KCNQ5: variants seen among roughly 807,000 people sequenced by gnomAD.
KCNQ5 encodes potassium voltage-gated channel subfamily KQT member 5.
In KCNQ5, 30 loss-of-function variants were observed where a neutral mutation model predicts 98.2. The observed-to-expected ratio is 0.31, with a 90% CI of 0.23 to 0.41. The LOEUF (loss-of-function observed/expected upper bound fraction) is 0.41. KCNQ5 is among the 10% of genes least tolerant of loss of function. The pLI, the probability that KCNQ5 is intolerant of heterozygous loss-of-function variation, is 1.00. For missense variants in KCNQ5, 835 were observed against 1,182.5 expected (o/e 0.71, Z 4.31); for synonymous variants, 458 against 449.4 (o/e 1.02, Z -0.24).
At chr6:72,894,141 G>A (rs575061888) in intron 1 of KCNQ5, among the ~76,000 whole-genome samples, 1 of 152,006 alleles carries the variant, frequency 6.6e-6, no homozygotes, top group African/African-American at 2.4e-5. Context: ...GCTTTTCTGG[G>A]CCCTTTTAAC....
intron 10 of KCNQ5, among the ~76,000 whole-genome samples, chr6:73,140,356 A>G (rs1483769231): frequency 6.6e-6 from 1 of 152,112 alleles, no homozygotes; most frequent in African/African-American, 2.4e-5. Context: ...TGCACATAGC[A>G]TTTTTCCTGA....
At chr6:72,655,016 AGGTC>A (rs1766074874) in intron 1 of KCNQ5, among the ~76,000 whole-genome samples, 1 of 139,508 alleles carries the variant, frequency 7.2e-6, no homozygotes, top group African/African-American at 2.7e-5. Context: ...TTAATAGCCA[AGGTC>A]TGTCTGTCTT....
At chr6:72,810,991 A>G (rs958897527) in intron 1 of KCNQ5, among the ~76,000 whole-genome samples, 7 of 152,166 alleles carry the variant, frequency 4.6e-5, no homozygotes, top group African/African-American at 7.2e-5. Flanking sequence ...GTATAAACTG[A>G]TGAGGTTGAT....
At chr6:72,888,187 T>C (rs543597897) in intron 1 of KCNQ5, among the ~76,000 whole-genome samples, 49 of 152,236 alleles carry the variant, frequency 3.2e-4, no homozygotes, top group Non-Finnish European at 6.2e-4. Flanking sequence ...TCCCGTCTGC[T>C]AAGAAGTAGA....
intron 1 of KCNQ5, among the ~76,000 whole-genome samples, chr6:72,754,398 T>A (rs1771849919): frequency 6.6e-6 from 1 of 152,150 alleles, no homozygotes; most frequent in Non-Finnish European, 1.5e-5. Flanking sequence ...TTAGATTTGA[T>A]TTACTAAAGT....
At chr6:72,649,305 A>G (rs1765761444) in intron 1 of KCNQ5, among the ~76,000 whole-genome samples, 1 of 152,200 alleles carries the variant, frequency 6.6e-6, no homozygotes, top group South Asian at 2.1e-4. Context: ...ACAGACATGC[A>G]CGTGTATGTG....
At chr6:72,931,869 G>C (rs146819197) in intron 1 of KCNQ5, among the ~76,000 whole-genome samples, 1 of 152,132 alleles carries the variant, frequency 6.6e-6, no homozygotes, top group East Asian at 1.9e-4. Flanking sequence ...GTCCCCAAAG[G>C]CTAGAGTTGA....
intron 10 of KCNQ5, among the ~76,000 whole-genome samples, chr6:73,167,061 A>C (rs532102668): frequency 6.6e-6 from 1 of 152,302 alleles, no homozygotes; most frequent in South Asian, 2.1e-4. Flanking sequence ...GCAGGTTACA[A>C]TAAAATCAGA....
intron 3 of KCNQ5, among the ~76,000 whole-genome samples, chr6:73,056,370 AT>A (rs1428017546): frequency 6.6e-6 from 1 of 151,288 alleles, no homozygotes; most frequent in African/African-American, 2.5e-5. Flanking sequence ...TCAATCCTGA[AT>A]TTAGTTTATG....
At chr6:72,860,598 CT>C (rs1438852801) in intron 1 of KCNQ5, among the ~76,000 whole-genome samples, 1 of 152,064 alleles carries the variant, frequency 6.6e-6, no homozygotes, top group Non-Finnish European at 1.5e-5. Flanking sequence ...TATTTTTCTT[CT>C]TTTTTTAATT....
At chr6:73,120,265 A>G (rs1386031027) in intron 7 of KCNQ5, among the ~76,000 whole-genome samples, 1 of 152,060 alleles carries the variant, frequency 6.6e-6, no homozygotes, top group African/African-American at 2.4e-5. Flanking sequence ...AAATAATAAA[A>G]TAAAATAAAA....
chr6:73,051,715 A>C (rs1217729500), intron 3 of KCNQ5, among the ~76,000 whole-genome samples: 1 of 1,544 alleles, frequency 6.5e-4, no homozygotes, highest in African/African-American at 7.4e-4. Flanking sequence ...CAAAAAAAAA[A>C]AAAAAAAAAA....
At chr6:72,736,153 G>A (rs945943553) in intron 1 of KCNQ5, among the ~76,000 whole-genome samples, 1 of 151,746 alleles carries the variant, frequency 6.6e-6, no homozygotes, top group Non-Finnish European at 1.5e-5. Context: ...TTGTGACACT[G>A]ACAATTTTTG....
intron 1 of KCNQ5, among the ~76,000 whole-genome samples, chr6:72,710,100 C>T (rs779179262): frequency 4.0e-4 from 61 of 152,216 alleles, no homozygotes; most frequent in Non-Finnish European, 7.4e-4. Context: ...AAGGCCTGGT[C>T]TTCTACATGG....
intron 1 of KCNQ5, among the ~76,000 whole-genome samples, chr6:72,818,476 G>T (rs796572817): frequency 6.6e-6 from 1 of 151,954 alleles, no homozygotes; most frequent in East Asian, 1.9e-4. Context: ...TGTATTTGTA[G>T]TACCTATGTG....
At chr6:73,067,671 C>T (rs1773113264) in intron 3 of KCNQ5, among the ~76,000 whole-genome samples, 1 of 152,152 alleles carries the variant, frequency 6.6e-6, no homozygotes, top group South Asian at 2.1e-4. Context: ...GCATCCCGCA[C>T]AGCCTCATAC....
intron 3 of KCNQ5, among the ~76,000 whole-genome samples, chr6:73,052,818 G>A (rs985466033): frequency 1.3e-5 from 2 of 152,132 alleles, no homozygotes; most frequent in Non-Finnish European, 2.9e-5. Flanking sequence ...ATGCCAAAAA[G>A]CAACCACACA....
chr6:72,622,196 C>A lies in KCNQ5; in HGVS notation c.7C>A (p.Arg3Ser), dbSNP rs549110435. 3.3e-4 allele frequency: 399 copies of A among 1,225,258 alleles called. No individual in the cohort carries two copies. Among genetic ancestry groups the A allele is most frequent in the Non-Finnish European group, 3.8e-4 (376 of 984,082 alleles). The allele number at this position is 1,225,258 out of a possible 1,614,324, so 75.9% of individuals were successfully genotyped here. Residue 3 changes from arginine to serine, a missense_variant, in exon 1 of 14, where the codon CGC (arginine) becomes AGC (serine). Arg to Ser is a moderately radical substitution (Grantham distance 110, BLOSUM62 -1). This residue lies in a region of KCNQ5 where 80 missense variants were observed against 72.3 expected (regional missense o/e 1.11). Coordinates refer to ENST00000370398, the MANE Select transcript of KCNQ5 (RefSeq NM_019842.4). This position sits in a 1 kb window ranked among gnomAD's most constrained non-coding sequence, Gnocchi z 6.0. ...CGGTGCCCGTGGTGATGCCATGCCC[C>A]GCCACCACGCGGGAGGAGAGGAGGG... MP[R>S]HHAGGEEGGA...
intron 1 of KCNQ5, among the ~76,000 whole-genome samples, chr6:72,868,673 A>T (rs760095903): frequency 1.9e-4 from 29 of 152,326 alleles, no homozygotes; most frequent in Non-Finnish European, 4.0e-4. Context: ...GAGCACAATC[A>T]TGGGAAAGAG....
Sources: gnomAD v4.1 joint callset for allele counts (sites outside exome capture counted in the v4.1 genomes callset) on GRCh38, gnomAD v4.1.1 for gene constraint, gnomAD v4.1.1 regional missense constraint, Gnocchi (gnomAD v3.1) non-coding constraint, MANE v1.5 for transcripts, NCBI Gene and HGNC (gene_info 2026-07-23, HGNC 2026-07-21) for gene names.